The following RBL1 variants were observed in gnomAD, a reference collection of about 807,000 sequenced individuals.
RBL1 encodes RB transcriptional corepressor like 1, also known as retinoblastoma-like protein 1.
A neutral mutation model predicts 123.0 loss-of-function variants in RBL1; 82 were observed. The ratio of observed to expected loss-of-function variants is 0.67; its 90% CI spans 0.56 to 0.80. The LOEUF is 0.80. Among genes scored for constraint, RBL1 ranks in the 30% least tolerant of loss-of-function variants. RBL1 has a pLI of 0.00. For synonymous variants in RBL1, 405 were observed against 441.3 expected (o/e 0.92, Z 1.03); for missense variants, 1,171 against 1,299.6 (o/e 0.90, Z 1.52).
intron 9 of RBL1, 55 bp from the exon 10 acceptor site, chr20:37,056,313 A>G (rs1184777813): frequency 4.0e-6 from 6 of 1,484,566 alleles, no homozygotes; most frequent in Non-Finnish European, 5.3e-6. Flanking sequence ...AACAAACAAA[A>G]AAGACTCCAC....
At chr20:37,071,551 G>A (rs1235897063) in intron 2 of RBL1, among the ~76,000 whole-genome samples, 1 of 152,154 alleles carries the variant, frequency 6.6e-6, no homozygotes, top group African/African-American at 2.4e-5. Flanking sequence ...AGCTACTCAG[G>A]AAGCTGAGGC....
intron 2 of RBL1, among the ~76,000 whole-genome samples, chr20:37,080,760 G>C (rs1373908286): frequency 6.6e-6 from 1 of 152,042 alleles, no homozygotes; most frequent in Non-Finnish European, 1.5e-5. Flanking sequence ...CGCCTGGCTC[G>C]CAATCTACTT....
intron 21 of RBL1, among the ~76,000 whole-genome samples, chr20:37,000,305 C>A (rs1381324128): frequency 6.6e-6 from 1 of 150,436 alleles, no homozygotes; most frequent in Admixed American, 6.6e-5. Context: ...GCAGCCACCC[C>A]GTCTGGGAGG....
At chr20:37,067,537 G>A (rs146912205) in intron 3 of RBL1, among the ~76,000 whole-genome samples, 2,433 of 152,092 alleles carry the variant, frequency 0.016, 61 homozygotes, top group African/African-American at 0.054. Flanking sequence ...GGGAGGCCGA[G>A]GTGGGTAGAT....
In RBL1 at chr20:37,067,251, G is replaced by A. The variant is rs1004325903; in HGVS notation, c.538C>T (p.Leu180Phe). The stretch of plus-strand genomic sequence containing the variant: ...ATCTTACCCTTAGTATAAACAAAAA[G>A]TGTCCAACAGAAATTAAACAGATCC... ...VKDLFNFCWT[L>F]FVYTKGNFRM... The change falls in exon 4 of 22, where the codon CTT becomes TTT. Residue 180 changes from leucine to phenylalanine, a missense_variant. Physicochemically the swap from Leu to Phe is conservative, Grantham distance 22. Transcript: ENST00000373664. 1 of 1,605,702 alleles carries A rather than the reference G, an allele frequency of 6.2e-7. No individual in the cohort carries two copies. Among genetic ancestry groups the A allele is most frequent in the Non-Finnish European group, 8.5e-7 (1 of 1,177,770 alleles).
chr20:37,068,086 C>A lies in RBL1; in HGVS notation c.391G>T (p.Val131Leu). The A allele has an allele frequency of 1.2e-6, 2 of 1,613,474 alleles. No individual in the cohort carries two copies. Among genetic ancestry groups the A allele is most frequent in the Non-Finnish European group, 1.7e-6 (2 of 1,179,890 alleles). Residue 131 changes from valine to leucine, a missense_variant, in exon 3 of 22, where the codon GTG (valine) becomes TTG (leucine). Val to Leu is a conservative substitution (Grantham distance 32, BLOSUM62 1). Coordinates refer to ENST00000373664, the MANE Select transcript of RBL1 (RefSeq NM_002895.5). ...TATTTTTTGAATATTACAGTAGACA[C>A]CTCAAAATTTCTCTCTAGCCTTTCT... is the stretch of plus-strand genomic sequence containing the variant. ...RIERLERNFE[V>L]STVIFKKYEP...
rs774599511 is a variant in RBL1, at chr20:37,061,095, G to T, written c.1250+8C>A. ...AGACATTTGGAAAAATAACAGTATT[G>T]TACATACTCAAAAATATTTATAAGT... On this transcript the variant is annotated splice_region_variant and intron_variant, in intron 9 of 21. Coordinates refer to ENST00000373664, the MANE Select transcript of RBL1 (RefSeq NM_002895.5). 8 of 1,596,128 alleles carry T rather than the reference G, an allele frequency of 5.0e-6. No homozygotes were observed. In the South Asian group the frequency reaches 7.9e-5, roughly 16 times the overall value.
chr20:37,030,350 C>G (rs2064486046), intron 16 of RBL1, among the ~76,000 whole-genome samples: 1 of 152,188 alleles, frequency 6.6e-6, no homozygotes, highest in Non-Finnish European at 1.5e-5. Context: ...GGCAGTCTTT[C>G]AACAAATCGT....
rs1165311212 is a variant in RBL1, at chr20:36,998,941, T to C, written c.3037-12A>G. On this transcript the variant is annotated splice_polypyrimidine_tract_variant and intron_variant, in intron 21 of 21. Coordinates refer to ENST00000373664, the MANE Select transcript of RBL1 (RefSeq NM_002895.5). ...ATATCTTTCAAACTCTGTGCAGAAA[T>C]AGAGAACGTGTGTGAGTAAAAGAGG... is the stretch of plus-strand genomic sequence containing the variant. 1.7e-5 allele frequency: 28 copies of C among 1,605,626 alleles called. No homozygotes were observed. The highest frequency in any genetic ancestry group is 2.3e-5 in the Non-Finnish European group (27 of 1,175,876).
chr20:37,003,773 G>A lies in RBL1; in HGVS notation c.2965C>T (p.Pro989Ser). The change falls in exon 21 of 22, where the codon CCG (proline) becomes TCG (serine). Residue 989 changes from proline (P) to serine (S), a missense_variant. Pro to Ser is a moderately conservative substitution (Grantham distance 74, BLOSUM62 -1). Coordinates refer to ENST00000373664, the MANE Select transcript of RBL1 (RefSeq NM_002895.5). ...ISQQHSIYIS[P>S]HKNGSGLTPR... ...GTAAGGCCTGACCCATTCTTGTGCGGGGAAATATAAATGGAGTGCTGCTGG... is the reference window on the plus strand; with the variant it reads ...GTAAGGCCTGACCCATTCTTGTGCGAGGAAATATAAATGGAGTGCTGCTGG... The A allele has an allele frequency of 6.2e-7, 1 of 1,614,054 alleles. No individual in the cohort carries two copies. The highest frequency in any genetic ancestry group is 8.5e-7 in the Non-Finnish European group (1 of 1,179,968).
chr20:37,076,133 A>AT (rs1332817678), intron 2 of RBL1, among the ~76,000 whole-genome samples: 5 of 152,078 alleles, frequency 3.3e-5, no homozygotes, highest in Admixed American at 2.0e-4. Context: ...AGCATACATA[A>AT]TTTTTTCCAC....
At chr20:37,020,622 T>C in intron 18 of RBL1, 37 bp downstream of exon 18, 1 of 1,360,762 alleles carries the variant, frequency 7.3e-7, no homozygotes, top group South Asian at 1.3e-5. Context: ...AAAGAGTAAA[T>C]CTATTTTTGG....
At chr20:37,037,745 G>A (rs1471703544) in intron 14 of RBL1, among the ~76,000 whole-genome samples, 3 of 150,056 alleles carry the variant, frequency 2.0e-5, no homozygotes, top group Non-Finnish European at 4.4e-5. Flanking sequence ...GCACAATCTC[G>A]GCTCACTGCA....
At chr20:37,077,787 G>GGA (rs2065388815) in intron 2 of RBL1, among the ~76,000 whole-genome samples, 1 of 117,908 alleles carries the variant, frequency 8.5e-6, no homozygotes, top group African/African-American at 3.2e-5. Context: ...TCTATTTTCT[G>GGA]AAAAAAAAAA....
At chr20:37,027,643 T>C (rs1284858240) in intron 16 of RBL1, among the ~76,000 whole-genome samples, 1 of 152,244 alleles carries the variant, frequency 6.6e-6, no homozygotes, top group Admixed American at 6.5e-5. Context: ...ATTCAAGTTA[T>C]GTCTAAGGTC....
chr20:37,026,680 G>A (rs1314819872), intron 16 of RBL1, among the ~76,000 whole-genome samples: 1 of 148,396 alleles, frequency 6.7e-6, no homozygotes, highest in Non-Finnish European at 1.5e-5. Context: ...CTCCAGCCTG[G>A]GTGACAGAGC....
rs6017070 is a variant in RBL1, at chr20:37,030,779, C to T, written c.2382+1886G>A. ...CTGAGAAAGGAGAATTGCTTGAACCCGGGAGGCAGGGGTTGCAGTGAGCCG... is the reference window on the plus strand; with the variant it reads ...CTGAGAAAGGAGAATTGCTTGAACCTGGGAGGCAGGGGTTGCAGTGAGCCG... On this transcript the variant is annotated intron_variant, in intron 16 of 21. Transcript: ENST00000373664. Among the ~76,000 whole-genome samples, 852 of 149,850 alleles carry T rather than the reference C, an allele frequency of 5.7e-3. 11 individuals are homozygous for T. The highest frequency in any genetic ancestry group is 0.02 in the African/African-American group (798 of 40,854).
At position 36,997,270 on chromosome 20, in the gene RBL1, GA is replaced by G; in HGVS notation, c.*1488del. On this transcript the variant is annotated 3_prime_UTR_variant, in exon 22 of 22. Transcript: ENST00000373664. ...AGTACTGAAAAGCATCCCTAACACT[GA>G]AAAAAGCATCCCTAGTACTGAAAAA... 1 of 151,396 alleles carries G rather than the reference GA, an allele frequency of 6.6e-6. No individual in the cohort carries two copies. 9.4% of individuals were successfully genotyped at this position (151,396 alleles called of 1,614,324 possible). A position where few individuals can be genotyped will look rare whatever the true frequency, so the allele number is the denominator to read the frequency against.
chr20:37,022,880 A>G, intron 16 of RBL1, 54 bp from the exon 17 acceptor site: 5 of 1,390,350 alleles, frequency 3.6e-6, no homozygotes, highest in Non-Finnish European at 4.9e-6. Flanking sequence ...CATTTCTCAA[A>G]TTTTTATGTC....
Sources: allele counts gnomAD v4.1 joint callset (sites outside exome capture counted in the v4.1 genomes callset), GRCh38; gene constraint gnomAD v4.1.1; transcripts MANE v1.5; gene names NCBI Gene and HGNC (gene_info 2026-07-23, HGNC 2026-07-21).